Variants in ZNF804A observed in about 807,000 individuals in gnomAD.
ZNF804A encodes the protein zinc finger protein 804A.
Under a neutral mutation model 16.5 loss-of-function variants are expected in ZNF804A, and 2 were observed. The ratio of observed to expected loss-of-function variants is 0.12; its 90% CI spans 0.05 to 0.38. The LOEUF is 0.38. ZNF804A is among the 10% of genes least tolerant of loss of function. ZNF804A has a pLI of 0.99. For synonymous variants in ZNF804A, 534 were observed against 489.6 expected (o/e 1.09, Z -1.20); for missense variants, 1,473 against 1,390.7 (o/e 1.06, Z -0.94).
At chr2:184,798,779 G>T (rs184624216) in intron 1 of ZNF804A, among the ~76,000 whole-genome samples, 1 of 152,196 alleles carries the variant, frequency 6.6e-6, no homozygotes, top group Admixed American at 6.5e-5. Flanking sequence ...TGGTGAATTA[G>T]TGTGATTTTT....
chr2:184,929,037 G>T (rs961836031), intron 2 of ZNF804A, among the ~76,000 whole-genome samples: 6 of 152,156 alleles, frequency 3.9e-5, no homozygotes, highest in Admixed American at 2.6e-4. Context: ...TTATGAAGGT[G>T]CCTTTTTTGT....
chr2:184,853,625 AT>A (rs138466227), intron 1 of ZNF804A, among the ~76,000 whole-genome samples: 1 of 151,516 alleles, frequency 6.6e-6, no homozygotes, highest in Non-Finnish European at 1.5e-5. Flanking sequence ...GTTTAGTTAA[AT>A]TTTTTTCTGC....
At chr2:184,875,723 T>C (rs984745879) in intron 2 of ZNF804A, among the ~76,000 whole-genome samples, 2 of 150,714 alleles carry the variant, frequency 1.3e-5, no homozygotes, top group East Asian at 3.9e-4. Context: ...ATTAAAATAG[T>C]TCTCAGTAAA....
At position 184,936,235 on chromosome 2, in the gene ZNF804A, C is replaced by T; in HGVS notation, c.839C>T (p.Pro280Leu). The change falls in exon 4 of 4, where the codon CCA (proline) becomes CTA (leucine). Residue 280 changes from proline (P) to leucine (L), a missense_variant. Pro to Leu is a moderately conservative substitution (Grantham distance 98). Coordinates refer to ENST00000302277, the MANE Select transcript of ZNF804A (RefSeq NM_194250.2). Reference protein sequence around the residue: ...SSEEKTNSFHPPEAMCRDKET... With the variant: ...SSEEKTNSFHLPEAMCRDKET... ...GAGGAGAAAACTAACTCTTTTCATC[C>T]ACCAGAGGCAATGTGCAGAGACAAA... 1.2e-6 allele frequency: 2 copies of T among 1,613,940 alleles called. No homozygotes were observed. Among genetic ancestry groups the T allele is most frequent in the Non-Finnish European group, 1.7e-6 (2 of 1,179,948 alleles).
chr2:184,870,827 C>A (rs1695963645), intron 2 of ZNF804A, among the ~76,000 whole-genome samples: 1 of 151,784 alleles, frequency 6.6e-6, no homozygotes, highest in Admixed American at 6.6e-5. Context: ...GTGACTGTTA[C>A]AAGATGAATG....
At chr2:184,922,724 G>A (rs1296351816) in intron 2 of ZNF804A, among the ~76,000 whole-genome samples, 1 of 151,562 alleles carries the variant, frequency 6.6e-6, no homozygotes, top group Non-Finnish European at 1.5e-5. Context: ...AGTTTTATTT[G>A]GTGGGATTTT....
chr2:184,917,570 A>G (rs1387205273), intron 2 of ZNF804A, among the ~76,000 whole-genome samples: 1 of 152,094 alleles, frequency 6.6e-6, no homozygotes, highest in African/African-American at 2.4e-5. Flanking sequence ...TGAAAAAAAG[A>G]CCATATTCCC....
rs1269317292 is a variant in ZNF804A, at chr2:184,917,040, TA to T, written c.256-16562del. ...AGGGTAATCTACTTCACTCAAAGTCTACTGATTTAAATATCGATATTATCTA... is the reference window on the plus strand; with the variant it reads ...AGGGTAATCTACTTCACTCAAAGTCTCTGATTTAAATATCGATATTATCTA... On this transcript the variant is annotated intron_variant, in intron 2 of 3. Transcript: ENST00000302277. 2.6e-5 allele frequency among the ~76,000 whole-genome samples: 4 copies of T among 152,312 alleles called. No individual in the cohort carries two copies. The East Asian group carries it at 7.7e-4, about 29-fold the overall frequency.
intron 1 of ZNF804A, among the ~76,000 whole-genome samples, chr2:184,739,510 C>T (rs1693681505): frequency 6.6e-6 from 1 of 152,154 alleles, no homozygotes; most frequent in African/African-American, 2.4e-5. Context: ...TGTTGTGCCT[C>T]AGCCTCCTTA....
rs149183879 is a variant in ZNF804A, at chr2:184,937,027, C to T, written c.1631C>T (p.Thr544Ile). 2.7e-4 allele frequency: 440 copies of T among 1,609,930 alleles called. No homozygotes were observed. Among genetic ancestry groups the T allele is most frequent in the Admixed American group, 7.8e-4 (46 of 58,622 alleles). Residue 544 changes from threonine (T) to isoleucine (I), a missense_variant, in exon 4 of 4, where the codon ACA (threonine) becomes ATA (isoleucine). Coordinates refer to ENST00000302277, the MANE Select transcript of ZNF804A (RefSeq NM_194250.2). ...TGTGATTCTGGAAAAAATGAGAACACAGGTCAGAGGTATAAAAACATTTCC... is the reference window on the plus strand; with the variant it reads ...TGTGATTCTGGAAAAAATGAGAACATAGGTCAGAGGTATAAAAACATTTCC... ...SSCDSGKNENTGQRYKNISCK... is the reference protein window; with the variant it reads ...SSCDSGKNENIGQRYKNISCK...
chr2:184,753,396 T>C (rs1185509713), intron 1 of ZNF804A, among the ~76,000 whole-genome samples: 1 of 151,572 alleles, frequency 6.6e-6, no homozygotes, highest in Non-Finnish European at 1.5e-5. Context: ...ATATCACAAA[T>C]ACACATACCA....
intron 1 of ZNF804A, among the ~76,000 whole-genome samples, chr2:184,780,342 G>A (rs916187125): frequency 1.3e-5 from 2 of 151,804 alleles, no homozygotes; most frequent in Non-Finnish European, 2.9e-5. Flanking sequence ...AGTGAAACCA[G>A]TAAATAATAA....
chr2:184,898,193 G>A (rs1347538472), intron 2 of ZNF804A, among the ~76,000 whole-genome samples: 1 of 152,058 alleles, frequency 6.6e-6, no homozygotes, highest in Non-Finnish European at 1.5e-5. Flanking sequence ...AGATAATAAA[G>A]AATGGTAGAG....
intron 1 of ZNF804A, among the ~76,000 whole-genome samples, chr2:184,703,754 G>A (rs979088392): frequency 6.7e-6 from 1 of 148,784 alleles, no homozygotes; most frequent in Non-Finnish European, 1.5e-5. Flanking sequence ...GGAAACATTT[G>A]TTTGCAAAAG....
chr2:184,757,932 A>G (rs1431542504), intron 1 of ZNF804A, among the ~76,000 whole-genome samples: 1 of 151,992 alleles, frequency 6.6e-6, no homozygotes, highest in East Asian at 1.9e-4. Flanking sequence ...GGAAATAGAA[A>G]AACTTGAGAA....
At chr2:184,605,711 T>C (rs1419263356) in intron 1 of ZNF804A, among the ~76,000 whole-genome samples, 1 of 152,136 alleles carries the variant, frequency 6.6e-6, no homozygotes, top group Non-Finnish European at 1.5e-5. Flanking sequence ...ACACCATTTA[T>C]GTAAGGGACT....
At chr2:184,866,691 TTAA>T (rs1695882007) in intron 2 of ZNF804A, among the ~76,000 whole-genome samples, 179 bp downstream of exon 2, 1 of 151,008 alleles carries the variant, frequency 6.6e-6, no homozygotes. Context: ...TTTTTTTTTT[TTAA>T]AAAAAAAGGC....
At chr2:184,869,939 G>A (rs1371824748) in intron 2 of ZNF804A, among the ~76,000 whole-genome samples, 2 of 151,974 alleles carry the variant, frequency 1.3e-5, no homozygotes, top group Non-Finnish European at 2.9e-5. Flanking sequence ...GGGTTAAAAA[G>A]AAAGAAGAAA....
intron 1 of ZNF804A, among the ~76,000 whole-genome samples, chr2:184,807,526 CT>C (rs1055029336): frequency 1.3e-5 from 2 of 151,704 alleles, no homozygotes; most frequent in Non-Finnish European, 3.0e-5. Flanking sequence ...AACTTAGATT[CT>C]TTTTTTGTCT....
Sources: allele counts gnomAD v4.1 joint callset (sites outside exome capture counted in the v4.1 genomes callset), GRCh38; gene constraint gnomAD v4.1.1; transcripts MANE v1.5; gene names NCBI Gene and HGNC (gene_info 2026-07-23, HGNC 2026-07-21).